MUC5B: variants seen among roughly 807,000 people sequenced by gnomAD.
The protein encoded by MUC5B is mucin 5B, oligomeric mucus/gel-forming.
MUC5B carries 116 observed loss-of-function variants against 376.9 expected under a neutral mutation model. That is an observed-to-expected ratio of 0.31 (90% CI 0.26 to 0.36). The LOEUF (loss-of-function observed/expected upper bound fraction) is 0.36, where lower values mean the gene tolerates loss of function less well. Ranked by LOEUF, MUC5B falls within the 10% of genes least tolerant of loss-of-function variation. The pLI is 1.00. For synonymous variants in MUC5B, 3,517 were observed against 3,390.9 expected, an observed-to-expected ratio of 1.04 and a Z score of -1.29; for missense variants, 7,165 against 7,769.9, an observed-to-expected ratio of 0.92 and a Z score of 2.93.
rs1161054602 is a variant in MUC5B, at chr11:1,251,332, A to C, written c.14452A>C (p.Ile4818Leu). The change falls in exon 31 of 49, where the codon ATC (isoleucine) becomes CTC (leucine). Residue 4818 changes from isoleucine (I) to leucine (L), a missense_variant. Transcript: ENST00000529681. The part of the protein sequence containing the change: ...TPSSTLGTTR[I>L]LTELTTTATT... The stretch of plus-strand genomic sequence containing the variant: ...CTCCTCCACTCTGGGGACGACCCGG[A>C]TCCTCACTGAGCTGACCACAACAGC... 1.2e-6 allele frequency: 2 copies of C among 1,610,714 alleles called. No homozygotes were observed. The highest frequency in any genetic ancestry group is 2.2e-5 in the East Asian group (1 of 44,874).
chr11:1,241,277 C>T lies in MUC5B; in HGVS notation c.4397C>T (p.Thr1466Ile). The T allele has an allele frequency of 6.3e-7, 1 of 1,596,654 alleles. No individual in the cohort carries two copies. The highest frequency in any genetic ancestry group is 8.5e-7 in the Non-Finnish European group (1 of 1,171,764). ...ACCCAGACCACAGCAACCGAAAAGA[C>T]CACCCTATGGGTGACCCCGAGCATC... ...TPTQTTATEK[T>I]TLWVTPSIRS... Residue 1466 changes from threonine to isoleucine, a missense_variant, in exon 31 of 49, where the codon ACC becomes ATC. Thr to Ile is a moderately conservative substitution (Grantham distance 89). Coordinates refer to ENST00000529681, the MANE Select transcript of MUC5B (RefSeq NM_002458.3).
chr11:1,247,815 G>A lies in MUC5B; in HGVS notation c.10935G>A (p.Arg3645=), dbSNP rs745366994. 8.1e-6 allele frequency: 13 copies of A among 1,607,956 alleles called. No homozygotes were observed. Among genetic ancestry groups the A allele is most frequent in the African/African-American group, 1.3e-5 (1 of 74,576 alleles). The change falls in exon 31 of 49, where the codon AGG becomes AGA. Residue 3645 remains arginine (R), a synonymous_variant. Transcript: ENST00000529681. ...ECSLDFGLVC[R]NREQVGKFKM... The stretch of plus-strand genomic sequence containing the variant: ...GCCTGGACTTTGGCCTGGTCTGCAG[G>A]AACCGTGAGCAGGTGGGGAAGTTCA...
At position 1,235,096 on chromosome 11, in the gene MUC5B, A is replaced by T. The variant is rs376289145; in HGVS notation, c.2642A>T (p.Asn881Ile). ...GTGGCCCCTTGCAGCACCTGCAGGA[A>T]CCGGAGGTGGGAGTGCAGCCACCGG... Reference protein sequence around the residue: ...RVDCNTCTCRNRRWECSHRLC... With the variant: ...RVDCNTCTCRIRRWECSHRLC... The change falls in exon 22 of 49, where the codon AAC becomes ATC. Residue 881 changes from asparagine (N) to isoleucine (I), a missense_variant. Coordinates refer to ENST00000529681, the MANE Select transcript of MUC5B (RefSeq NM_002458.3). 17 of 1,610,866 alleles carry T rather than the reference A, an allele frequency of 1.1e-5. No individual in the cohort carries two copies. The highest frequency in any genetic ancestry group is 1.6e-4 in the Middle Eastern group (1 of 6,068).
rs751608244 is a variant in MUC5B at position 1,249,853 on chromosome 11, C to A, written c.12973C>A (p.Pro4325Thr). The change falls in exon 31 of 49, where the codon CCC (proline) becomes ACC (threonine). Residue 4325 changes from proline (P) to threonine (T), a missense_variant. This residue lies in a region of MUC5B where 431 missense variants were observed against 390.4 expected (regional missense o/e 1.10). Coordinates refer to ENST00000529681, the MANE Select transcript of MUC5B (RefSeq NM_002458.3). ...CAAATCCACAGCTACCAGCGTTACACCCATCCCCTCCTCCACCCTTGGGAC... is the reference window on the plus strand; with the variant it reads ...CAAATCCACAGCTACCAGCGTTACAACCATCCCCTCCTCCACCCTTGGGAC... ...ATKSTATSVT[P>T]IPSSTLGTTG... The A allele has an allele frequency of 1.9e-6, 3 of 1,613,588 alleles. No individual in the cohort carries two copies. Among genetic ancestry groups the A allele is most frequent in the Admixed American group, 3.3e-5 (2 of 60,006 alleles).
Position 1,248,055 on chromosome 11 carries a change from G to A in MUC5B, c.11175G>A (p.Pro3725=), listed in dbSNP as rs372993574. The A allele has an allele frequency of 5.4e-4, 874 of 1,604,278 alleles. 7 individuals are homozygous for A. In the African/African-American group the frequency reaches 9.9e-3, roughly 18 times the overall value. Residue 3725 remains proline (P), a synonymous_variant, in exon 31 of 49, where the codon CCG becomes CCA. Coordinates refer to ENST00000529681, the MANE Select transcript of MUC5B (RefSeq NM_002458.3). The stretch of plus-strand genomic sequence containing the variant: ...GGACCACCTGGATCCTCACAGAGCC[G>A]AGCACTACAGCCACCGTGACGGTGC... ...TPGTTWILTE[P]STTATVTVPT...
At position 1,257,443 on chromosome 11, in the gene MUC5B, G is replaced by T; in HGVS notation, c.16270-87G>T. ...ATCACTCTGGGCCACTCGGGTACCA[G>T]CCCGAGGGAGGGGGTGGCTGGACAG... is the stretch of plus-strand genomic sequence containing the variant. On this transcript the variant is annotated intron_variant, in intron 40 of 48. Transcript: ENST00000529681. The surrounding 1 kb of genome is among the most constrained non-coding windows in gnomAD (Gnocchi z 8.9). The T allele has an allele frequency of 6.7e-7, 1 of 1,499,220 alleles. No homozygotes were observed. Among genetic ancestry groups the T allele is most frequent in the Admixed American group, 1.8e-5 (1 of 54,422 alleles). 92.9% of individuals were successfully genotyped at this position (1,499,220 alleles called of 1,614,324 possible).
Position 1,241,791 on chromosome 11 carries a change from G to T in MUC5B, c.4911G>T (p.Pro1637=), listed in dbSNP as rs56257795. 9.2e-3 allele frequency: 14,886 copies of T among 1,612,150 alleles called. 102 individuals are homozygous for T. The highest frequency in any genetic ancestry group is 0.019 in the South Asian group (1,720 of 90,932). The change falls in exon 31 of 49, where the codon CCG becomes CCT. Residue 1637 remains proline (P), a synonymous_variant. Transcript: ENST00000529681. ...LFSTPQPTSS[P]GLTRAPPAST... ...CAACGCCGCAGCCTACGAGTAGCCC[G>T]GGGCTGACCAGGGCTCCCCCGGCCA...
At chr11:1,231,690 G>A in intron 14 of MUC5B, 130 bp downstream of exon 14, 1 of 1,216,134 alleles carries the variant, frequency 8.2e-7, no homozygotes, top group Non-Finnish European at 1.1e-6. Context: ...GGGCATGGCG[G>A]AGATCCTGGT....
Position 1,234,697 on chromosome 11 carries a change from TCG to T in MUC5B, c.2630+18_2630+19del, listed in dbSNP as rs1862115308. On this transcript the variant is annotated intron_variant, in intron 21 of 48. Transcript: ENST00000529681. The surrounding 1 kb of genome is among the most constrained non-coding windows in gnomAD (Gnocchi z 6.3). ...CAACACCTGGTGGGTCGTGAGTCTCTCGGAGGCAGCAGGTGGGGAGGGCGGGG... is the reference window on the plus strand; with the variant it reads ...CAACACCTGGTGGGTCGTGAGTCTCTGAGGCAGCAGGTGGGGAGGGCGGGG... 1.2e-5 allele frequency: 13 copies of T among 1,102,166 alleles called. No homozygotes were observed. Among genetic ancestry groups the T allele is most frequent in the Non-Finnish European group, 1.6e-5 (13 of 836,570 alleles). The allele number at this position is 1,102,166 out of a possible 1,614,324, so 68.3% of individuals were successfully genotyped here.
chr11:1,237,487 C>T (rs1444858544), intron 25 of MUC5B, among the ~76,000 whole-genome samples: 1 of 152,210 alleles, frequency 6.6e-6, no homozygotes, highest in Non-Finnish European at 1.5e-5. Context: ...CCAGACCTGC[C>T]CAGTCCTCAG....
rs750257026 is a variant in MUC5B at position 1,240,885 on chromosome 11, C to T, written c.4005C>T (p.Arg1335=). The T allele has an allele frequency of 1.2e-4, 188 of 1,611,962 alleles. 1 individual carries two copies. Among genetic ancestry groups the T allele is most frequent in the Middle Eastern group, 1.1e-3 (6 of 5,608 alleles). ...PALPVSTVCV[R]EVCRWSSWYN... is the part of the protein sequence containing the mutation. ...TCCCGGTCTCCACCGTGTGTGTCCG[C>T]GAGGTCTGCCGCTGGTCCAGCTGGT... Residue 1335 remains arginine (R), a synonymous_variant, in exon 31 of 49, where the codon CGC becomes CGT. Coordinates refer to ENST00000529681, the MANE Select transcript of MUC5B (RefSeq NM_002458.3).
chr11:1,228,913 C>T, intron 8 of MUC5B, 148 bp downstream of exon 8: 4 of 671,138 alleles, frequency 6.0e-6, no homozygotes, highest in Non-Finnish European at 6.8e-6. Flanking sequence ...GAGGCCACCC[C>T]AGGACCCCAG....
In MUC5B at chr11:1,240,006, G is replaced by GC. The variant is rs769963371; in HGVS notation, c.3729-33dup. The GC allele has an allele frequency of 7.5e-6, 12 of 1,595,664 alleles. 1 individual carries two copies. The South Asian group carries it at 1.2e-4, about 16-fold the overall frequency. ...GGCTGGGGAGCAGGCCCTGCAGGCT[G>GC]CCCCCCAGGCCCTCAGCTCGCCTCT... On this transcript the variant is annotated intron_variant, in intron 28 of 48. Transcript: ENST00000529681.
chr11:1,228,371 C>G lies in MUC5B; in HGVS notation c.775-193C>G, dbSNP rs2672811. On this transcript the variant is annotated intron_variant, in intron 7 of 48. Transcript: ENST00000529681. ...AGGCACATCCGGAGTAGGGGATCCC[C>G]GGTCACGGGTCACTCCCCAAGGGCC... is the stretch of plus-strand genomic sequence containing the variant. 60,859 of 575,430 alleles carry G rather than the reference C, an allele frequency of 0.11. 3,661 individuals carry two copies. The highest frequency in any genetic ancestry group is 0.11 in the Admixed American group (3,235 of 28,772). 35.6% of individuals were successfully genotyped at this position (575,430 alleles called of 1,614,324 possible).
At position 1,233,252 on chromosome 11, in the gene MUC5B, G is replaced by A. The variant is rs927648540; in HGVS notation, c.2305G>A (p.Asp769Asn). ...GCTGGCTCCTGGAGAGGTGGTGCACGACGAGGGCGCCGTGTGGTAAGGGTC... is the reference window on the plus strand; with the variant it reads ...GCTGGCTCCTGGAGAGGTGGTGCACAACGAGGGCGCCGTGTGGTAAGGGTC... ...TVLAPGEVVH[D>N]EGAVCSCTGG... The change falls in exon 18 of 49, where the codon GAC (aspartate) becomes AAC (asparagine). Residue 769 changes from aspartate to asparagine, a missense_variant. Around this residue, in one of 31 missense-constraint regions of MUC5B, gnomAD observed 530 missense variants for 604.0 expected, o/e 0.88. Coordinates refer to ENST00000529681, the MANE Select transcript of MUC5B (RefSeq NM_002458.3). 6 of 1,575,262 alleles carry A rather than the reference G, an allele frequency of 3.8e-6. No homozygotes were observed. The African/African-American group carries it at 4.0e-5, about 11-fold the overall frequency.
In MUC5B at chr11:1,234,756, G is replaced by C; in HGVS notation, c.2630+76G>C. Reference sequence around the variant, plus strand: ...AGGGCAGCGGGTGGGGAGGCAGCGGGCAGGGAGGGCAGGGGGCGGGGAGGG... The same window carrying C: ...AGGGCAGCGGGTGGGGAGGCAGCGGCCAGGGAGGGCAGGGGGCGGGGAGGG... On this transcript the variant is annotated intron_variant, in intron 21 of 48. Coordinates refer to ENST00000529681, the MANE Select transcript of MUC5B (RefSeq NM_002458.3). The surrounding 1 kb of genome is among the most constrained non-coding windows in gnomAD (Gnocchi z 6.3). The C allele has an allele frequency of 1.3e-6, 1 of 751,770 alleles. No homozygotes were observed. Among genetic ancestry groups the C allele is most frequent in the South Asian group, 2.0e-5 (1 of 49,752 alleles). The allele number at this position is 751,770 out of a possible 1,614,324, so 46.6% of individuals were successfully genotyped here. A position where few individuals can be genotyped will look rare whatever the true frequency, so the allele number is the denominator to read the frequency against.
intron 8 of MUC5B, among the ~76,000 whole-genome samples, 165 bp from the exon 9 acceptor site, chr11:1,229,005 G>A (rs1861960055): frequency 6.6e-6 from 1 of 152,226 alleles, no homozygotes; most frequent in South Asian, 2.1e-4. Flanking sequence ...GCTGGGGCTG[G>A]AGGGTGGAGC....
At chr11:1,252,682 A>G (rs1299451979) in intron 32 of MUC5B, 127 bp from the exon 33 acceptor site, 1 of 1,406,030 alleles carries the variant, frequency 7.1e-7, no homozygotes, top group Non-Finnish European at 9.5e-7. Context: ...CCAGGCTAGC[A>G]TGGGGGCCGC....
Position 1,248,234 on chromosome 11 carries a change from C to G in MUC5B, c.11354C>G (p.Thr3785Arg). 1 of 1,595,150 alleles carries G rather than the reference C, an allele frequency of 6.3e-7. No homozygotes were observed. Among genetic ancestry groups the G allele is most frequent in the Non-Finnish European group, 8.6e-7 (1 of 1,167,654 alleles). ...ACCGCCCTTCCAGCACTGAGAAGCA[C>G]AGCCACCACACCCACAGCTACCAGC... is the stretch of plus-strand genomic sequence containing the variant. The part of the protein sequence containing the change: ...TATALPALRS[T>R]ATTPTATSFT... The change falls in exon 31 of 49, where the codon ACA becomes AGA. Residue 3785 changes from threonine to arginine, a missense_variant. Physicochemically the swap from Thr to Arg is moderately conservative, Grantham distance 71. Around this residue, in one of 31 missense-constraint regions of MUC5B, gnomAD observed 72 missense variants for 127.8 expected, o/e 0.56. Transcript: ENST00000529681.
Sources: allele counts gnomAD v4.1 joint callset (sites outside exome capture counted in the v4.1 genomes callset), GRCh38; gene constraint gnomAD v4.1.1; regional missense constraint gnomAD v4.1.1; non-coding constraint Gnocchi (gnomAD v3.1); transcripts MANE v1.5; gene names NCBI Gene and HGNC (gene_info 2026-07-23, HGNC 2026-07-21).